The following NBEA variants were observed in gnomAD, a reference collection of about 807,000 sequenced individuals.
NBEA encodes the protein neurobeachin, also known as lysosomal-trafficking regulator 2.
NBEA carries 44 observed loss-of-function variants against 343.4 expected under a neutral mutation model. That is an observed-to-expected ratio of 0.13 (90% CI 0.10 to 0.16). The LOEUF is 0.16. Among genes scored for constraint, NBEA ranks in the 10% least tolerant of loss-of-function variants. The pLI, the probability that NBEA is intolerant of heterozygous loss-of-function variation, is 1.00. For missense variants in NBEA, 2,555 were observed against 3,631.3 expected (o/e 0.70, Z 7.62); for synonymous variants, 1,175 against 1,238.7 (o/e 0.95, Z 1.08).
chr13:35,206,351 C>T (rs2073394501), intron 31 of NBEA, among the ~76,000 whole-genome samples: 1 of 152,034 alleles, frequency 6.6e-6, no homozygotes, highest in South Asian at 2.1e-4. Flanking sequence ...TTAATTAGCT[C>T]ATGATTCTTT....
At chr13:35,495,023 GA>G in intron 41 of NBEA, among the ~76,000 whole-genome samples, 1 of 150,456 alleles carries the variant, frequency 6.6e-6, no homozygotes, top group South Asian at 2.1e-4. Context: ...AAAAAGAAAA[GA>G]AAAGAAAAAA....
intron 34 of NBEA, among the ~76,000 whole-genome samples, chr13:35,243,388 C>A (rs893027569): frequency 2.6e-5 from 4 of 151,846 alleles, no homozygotes; most frequent in Middle Eastern, 3.4e-3. Context: ...CAGAAAACAA[C>A]AAATTAAAAT....
intron 39 of NBEA, among the ~76,000 whole-genome samples, chr13:35,450,214 C>T (rs993349217): frequency 3.3e-5 from 5 of 151,960 alleles, no homozygotes; most frequent in Admixed American, 6.6e-5. Context: ...GTGGCTCATG[C>T]GTATAATCCC....
At chr13:35,443,790 C>A (rs1488838121) in intron 39 of NBEA, among the ~76,000 whole-genome samples, 1 of 151,878 alleles carries the variant, frequency 6.6e-6, no homozygotes, top group East Asian at 1.9e-4. Flanking sequence ...TGTTTTTATT[C>A]AGTATCACTA....
rs778650532 is a variant in NBEA at position 35,118,505 on chromosome 13, A to T, written c.2243+31A>T. 10 of 1,458,252 alleles carry T rather than the reference A, an allele frequency of 6.9e-6. 1 individual carries two copies. The South Asian group carries it at 1.2e-4, about 18-fold the overall frequency. 90.3% of individuals were successfully genotyped at this position (1,458,252 alleles called of 1,614,324 possible). ...ATTATAATATTAGTATTACTATTAGACTTTAATGGAGCACAGTTGTTCCTC... is the reference window on the plus strand; with the variant it reads ...ATTATAATATTAGTATTACTATTAGTCTTTAATGGAGCACAGTTGTTCCTC... On this transcript the variant is annotated intron_variant, in intron 16 of 58. Coordinates refer to ENST00000379939, the MANE Select transcript of NBEA (RefSeq NM_001385012.1).
intron 44 of NBEA, among the ~76,000 whole-genome samples, chr13:35,564,423 A>G (rs1184707867): frequency 6.6e-6 from 1 of 152,104 alleles, no homozygotes; most frequent in South Asian, 2.1e-4. Flanking sequence ...AAACTCTGCC[A>G]TGGACCCATT....
intron 30 of NBEA, among the ~76,000 whole-genome samples, chr13:35,193,208 A>T (rs994613828): frequency 1.3e-5 from 2 of 151,946 alleles, no homozygotes; most frequent in Non-Finnish European, 2.9e-5. Context: ...ATACAAATGT[A>T]TGTTAAAATA....
intron 56 of NBEA, among the ~76,000 whole-genome samples, chr13:35,665,991 G>A (rs758241254): frequency 2.0e-5 from 3 of 152,060 alleles, no homozygotes; most frequent in Non-Finnish European, 2.9e-5. Context: ...TCCTAGTTCT[G>A]GCTCAAATAG....
chr13:35,024,502 T>C (rs2061951758), intron 1 of NBEA, among the ~76,000 whole-genome samples: 1 of 151,328 alleles, frequency 6.6e-6, no homozygotes, highest in Non-Finnish European at 1.5e-5. Context: ...CGAAACTTTG[T>C]CTCCACTGAA....
intron 1 of NBEA, among the ~76,000 whole-genome samples, chr13:35,004,017 G>A (rs1229694998): frequency 1.3e-5 from 2 of 152,196 alleles, no homozygotes; most frequent in Admixed American, 6.5e-5. Flanking sequence ...TTATTAGTGA[G>A]AACATGCAGT....
At chr13:35,184,185 G>T in intron 30 of NBEA, 114 bp downstream of exon 30, 1 of 676,802 alleles carries the variant, frequency 1.5e-6, no homozygotes, top group Non-Finnish European at 2.4e-6. Context: ...CAGGTTTCAT[G>T]GAGATATGAT....
intron 55 of NBEA, among the ~76,000 whole-genome samples, chr13:35,657,359 G>A (rs185427289): frequency 6.6e-6 from 1 of 152,220 alleles, no homozygotes; most frequent in Admixed American, 6.5e-5. Context: ...TTTATTTGAG[G>A]GAAAAGATAT....
intron 41 of NBEA, among the ~76,000 whole-genome samples, chr13:35,495,085 G>T (rs892547148): frequency 6.6e-6 from 1 of 151,940 alleles, no homozygotes; most frequent in Admixed American, 6.6e-5. Flanking sequence ...CCAACTCTGT[G>T]CTCTCTACAT....
intron 45 of NBEA, among the ~76,000 whole-genome samples, chr13:35,583,637 C>T (rs949216035): frequency 6.3e-4 from 96 of 152,116 alleles, no homozygotes; most frequent in Non-Finnish European, 8.8e-5. Context: ...AACTAGATCA[C>T]CTCTGATAAT....
At chr13:35,354,812 A>G (rs1178256435) in intron 38 of NBEA, among the ~76,000 whole-genome samples, 1 of 152,162 alleles carries the variant, frequency 6.6e-6, no homozygotes, top group Admixed American at 6.5e-5. Flanking sequence ...TAATATGTTG[A>G]TAACTCCAAA....
chr13:35,068,414 T>C (rs941362656), intron 8 of NBEA, among the ~76,000 whole-genome samples: 4 of 152,140 alleles, frequency 2.6e-5, no homozygotes, highest in African/African-American at 9.6e-5. Flanking sequence ...GACAATGGGA[T>C]GTACAAATGT....
rs542800324 is a variant in NBEA at position 35,215,620 on chromosome 13, T to G, written c.5648+4441T>G. Among the ~76,000 whole-genome samples the G allele has an allele frequency of 1.8e-3, 274 of 151,848 alleles. 1 individual carries two copies. The highest frequency in any genetic ancestry group is 6.4e-3 in the African/African-American group (266 of 41,534). ...AGTACATTGATTTTTATATATTGAT[T>G]TTATATTTTATAATCTTGCCACTTA... On this transcript the variant is annotated intron_variant, in intron 33 of 58. Coordinates refer to ENST00000379939, the MANE Select transcript of NBEA (RefSeq NM_001385012.1).
At chr13:35,245,988 C>A (rs2031129562) in intron 34 of NBEA, among the ~76,000 whole-genome samples, 1 of 152,078 alleles carries the variant, frequency 6.6e-6, no homozygotes, top group African/African-American at 2.4e-5. Context: ...TTTTTAAATT[C>A]TTTTTTCTTT....
intron 1 of NBEA, among the ~76,000 whole-genome samples, chr13:35,024,962 G>A (rs1250118606): frequency 1.3e-5 from 2 of 152,102 alleles, no homozygotes; most frequent in African/African-American, 4.8e-5. Flanking sequence ...TTGGCCTCAT[G>A]TATGTCTTCT....
Sources: allele counts gnomAD v4.1 joint callset (sites outside exome capture counted in the v4.1 genomes callset), GRCh38; gene constraint gnomAD v4.1.1; transcripts MANE v1.5; gene names NCBI Gene and HGNC (gene_info 2026-07-23, HGNC 2026-07-21).